The following GALNT13 variants were observed in gnomAD, a reference collection of about 807,000 sequenced individuals.
GALNT13 encodes the protein polypeptide N-acetylgalactosaminyltransferase 13, also known as UDP-GalNAc:polypeptide N-acetylgalactosaminyltransferase 13.
GALNT13 carries 28 observed loss-of-function variants against 64.2 expected under a neutral mutation model. The ratio of observed to expected loss-of-function variants is 0.44; its 90% CI spans 0.32 to 0.60. The LOEUF (loss-of-function observed/expected upper bound fraction) is 0.60. Among genes scored for constraint, GALNT13 ranks in the 20% least tolerant of loss-of-function variants. GALNT13 has a pLI of 0.05. For missense variants in GALNT13, 577 were observed against 669.8 expected, an observed-to-expected ratio of 0.86 and a Z score of 1.53; for synonymous variants, 214 against 224.6, an observed-to-expected ratio of 0.95 and a Z score of 0.42.
intron 9 of GALNT13, among the ~76,000 whole-genome samples, chr2:154,305,632 T>TTTAA (rs1693691149): frequency 6.6e-6 from 1 of 152,240 alleles, no homozygotes; most frequent in Admixed American, 6.5e-5. Flanking sequence ...CTTTAAGTGC[T>TTTAA]GAGCCTTTAT....
chr2:153,134,083 T>C, the GALNT13 span, among the ~76,000 whole-genome samples: 6 of 152,206 alleles, frequency 3.9e-5, no homozygotes, highest in African/African-American at 9.6e-5. Flanking sequence ...ATTACTGTAA[T>C]GGGCAGAGCA....
At chr2:153,185,296 T>C in the GALNT13 span, among the ~76,000 whole-genome samples, 1 of 152,224 alleles carries the variant, frequency 6.6e-6, no homozygotes. Context: ...GTGGGATCAC[T>C]GGTGATATCT....
chr2:154,140,748 T>C lies in GALNT13; in HGVS notation c.311+243T>C, dbSNP rs181302448. Among the ~76,000 whole-genome samples the C allele has an allele frequency of 2.1e-3, 321 of 152,254 alleles. 1 individual carries two copies. Among genetic ancestry groups the C allele is most frequent in the African/African-American group, 7.6e-3 (314 of 41,574 alleles). ...TACTCAGGCCAAACAGGTTTTTCTA[T>C]GTGAGATGTTTTTTGTTGTTGTCAT... On this transcript the variant is annotated intron_variant, in intron 4 of 12. Transcript: ENST00000392825.
chr2:154,363,431 G>A (rs1281248727), intron 9 of GALNT13, among the ~76,000 whole-genome samples: 1 of 152,130 alleles, frequency 6.6e-6, no homozygotes, highest in African/African-American at 2.4e-5. Context: ...GACCAGTGAG[G>A]ATTCTGCCTG....
At chr2:153,506,708 G>A in the GALNT13 span, among the ~76,000 whole-genome samples, 25 of 152,190 alleles carry the variant, frequency 1.6e-4, no homozygotes, top group Non-Finnish European at 2.9e-4. Flanking sequence ...TGAGAAATCT[G>A]CTGTTACTCT....
chr2:154,077,856 A>T (rs1308367607), intron 3 of GALNT13, among the ~76,000 whole-genome samples: 2 of 151,530 alleles, frequency 1.3e-5, no homozygotes, highest in African/African-American at 2.4e-5. Flanking sequence ...GCATTTTTTT[A>T]AAATCATGCT....
chr2:153,760,405 T>G, the GALNT13 span, among the ~76,000 whole-genome samples: 2 of 152,138 alleles, frequency 1.3e-5, no homozygotes, highest in East Asian at 1.9e-4. Context: ...GAACTGTTTT[T>G]GTTGTATCCC....
the GALNT13 span, among the ~76,000 whole-genome samples, chr2:153,259,682 C>A: frequency 2.0e-5 from 3 of 152,124 alleles, no homozygotes; most frequent in Non-Finnish European, 4.4e-5. Flanking sequence ...GTAAGACTTG[C>A]CTTTGTTCTT....
chr2:154,085,007 A>T (rs889394410), intron 3 of GALNT13, among the ~76,000 whole-genome samples: 2 of 151,876 alleles, frequency 1.3e-5, no homozygotes, highest in African/African-American at 4.8e-5. Context: ...GTTCCCAAGA[A>T]CTTAATTATA....
chr2:153,679,258 TAA>T, the GALNT13 span, among the ~76,000 whole-genome samples: 53 of 152,122 alleles, frequency 3.5e-4, no homozygotes, highest in South Asian at 0.011. Flanking sequence ...ACAAGTACAT[TAA>T]GTCTAATTCC....
the GALNT13 span, among the ~76,000 whole-genome samples, chr2:153,497,522 A>ATTTTTTTTTTT: frequency 3.1e-3 from 116 of 36,898 alleles, 34 homozygotes; most frequent in African/African-American, 4.2e-3. Flanking sequence ...TTTCTCCCGC[A>ATTTTTTTTTTT]TTTTTTTTTT....
At chr2:153,318,888 T>A in the GALNT13 span, among the ~76,000 whole-genome samples, 1 of 152,230 alleles carries the variant, frequency 6.6e-6, no homozygotes, top group Non-Finnish European at 1.5e-5. Flanking sequence ...TTATCTTTTA[T>A]TTTTAATTTA....
the GALNT13 span, among the ~76,000 whole-genome samples, chr2:153,781,598 T>A: frequency 6.6e-6 from 1 of 152,160 alleles, no homozygotes; most frequent in African/African-American, 2.4e-5. Flanking sequence ...AAAGTGGGCT[T>A]TTGTGTGTAC....
At chr2:153,931,711 G>C (rs1251169206) in intron 2 of GALNT13, among the ~76,000 whole-genome samples, 1 of 152,118 alleles carries the variant, frequency 6.6e-6, no homozygotes, top group Non-Finnish European at 1.5e-5. Context: ...ACTTGATCAT[G>C]GTGGATTAGC....
chr2:153,403,590 C>A, the GALNT13 span, among the ~76,000 whole-genome samples: 7 of 152,188 alleles, frequency 4.6e-5, no homozygotes, highest in South Asian at 2.1e-4. Context: ...ACTCCCTGGG[C>A]GTAGGACCCT....
chr2:153,608,407 G>A, the GALNT13 span, among the ~76,000 whole-genome samples: 5 of 151,994 alleles, frequency 3.3e-5, no homozygotes, highest in Non-Finnish European at 7.4e-5. Flanking sequence ...TTCAAAACAG[G>A]TAGAAGATTA....
At chr2:153,870,509 A>G (rs1685852899), upstream of GALNT13, among the ~76,000 whole-genome samples, 1 of 151,968 alleles carries the variant, frequency 6.6e-6, no homozygotes, top group South Asian at 2.1e-4. Context: ...AGCAGTAGAG[A>G]GACATTCCAG....
chr2:153,763,673 A>G, the GALNT13 span, among the ~76,000 whole-genome samples: 1 of 152,196 alleles, frequency 6.6e-6, no homozygotes, highest in African/African-American at 2.4e-5. Context: ...CAGCGTGAGA[A>G]CAGACTAATA....
intron 12 of GALNT13, chr2:154,446,419 A>G: frequency 1.4e-6 from 1 of 712,428 alleles, no homozygotes; most frequent in Non-Finnish European, 2.1e-6. Context: ...CATCTAAAAA[A>G]ATGTGGCTCA....
Sources: allele counts gnomAD v4.1 joint callset (sites outside exome capture counted in the v4.1 genomes callset), GRCh38; gene constraint gnomAD v4.1.1; transcripts MANE v1.5; gene names NCBI Gene and HGNC (gene_info 2026-07-23, HGNC 2026-07-21).